FHIT: variants seen among roughly 807,000 people sequenced by gnomAD.
The protein encoded by FHIT is bis(5'-adenosyl)-triphosphatase.
FHIT carries 19 observed loss-of-function variants against 17.9 expected under a neutral mutation model. The ratio of observed to expected loss-of-function variants is 1.06; its 90% CI spans 0.74 to 1.56. FHIT has a LOEUF of 1.56. FHIT is among the 40% of genes most tolerant of loss of function. FHIT has a pLI of 0.00. For missense variants in FHIT, 248 were observed against 189.2 expected (o/e 1.31, Z -1.82); for synonymous variants, 81 against 69.7 (o/e 1.16, Z -0.81).
In FHIT at chr3:60,344,338, G is replaced by T. The variant is rs190791173; in HGVS notation, c.103+192522C>A. ...CAGACTGAGATGCGTCCAACAAAGA[G>T]AATATGAATAGCAATCTAGAAGAGT... On this transcript the variant is annotated intron_variant, in intron 5 of 9. Coordinates refer to ENST00000492590, the MANE Select transcript of FHIT (RefSeq NM_002012.4). Among the ~76,000 whole-genome samples, 3 of 152,294 alleles carry T rather than the reference G, an allele frequency of 2.0e-5. No homozygotes were observed. The East Asian group carries it at 5.8e-4, about 29-fold the overall frequency.
rs567908910 is a variant in FHIT, at chr3:59,747,615, A to G, written c.*1970T>C. 7.1e-4 allele frequency among the ~76,000 whole-genome samples: 108 copies of G among 152,264 alleles called. No homozygotes were observed. Among genetic ancestry groups the G allele is most frequent in the African/African-American group, 1.9e-3 (80 of 41,566 alleles). ...TTGGTCTTATAGTCTTTATTCTTATATAGGGCATCTCTGGATATAGGTGTT... is the reference window on the plus strand; with the variant it reads ...TTGGTCTTATAGTCTTTATTCTTATGTAGGGCATCTCTGGATATAGGTGTT... On this transcript the variant is annotated 3_prime_UTR_variant, in exon 10 of 10. Coordinates refer to ENST00000492590, the MANE Select transcript of FHIT (RefSeq NM_002012.4).
chr3:59,761,123 C>T (rs2106783399), intron 8 of FHIT, among the ~76,000 whole-genome samples: 1 of 152,312 alleles, frequency 6.6e-6, no homozygotes, highest in Non-Finnish European at 1.5e-5. Context: ...TTGGAACGAT[C>T]TTGCCCAACA....
intron 5 of FHIT, among the ~76,000 whole-genome samples, chr3:60,515,337 G>A (rs1408559106): frequency 6.6e-6 from 1 of 152,176 alleles, no homozygotes; most frequent in African/African-American, 2.4e-5. Context: ...GGTGGGAGGA[G>A]GAGGAAGGAA....
At chr3:60,552,950 AAG>A (rs1343297293) in intron 4 of FHIT, among the ~76,000 whole-genome samples, 1 of 152,164 alleles carries the variant, frequency 6.6e-6, no homozygotes, top group African/African-American at 2.4e-5. Flanking sequence ...ATGTGAGATT[AAG>A]AGGCATGTCT....
chr3:60,869,388 G>A (rs972441586), intron 3 of FHIT, among the ~76,000 whole-genome samples: 1 of 152,106 alleles, frequency 6.6e-6, no homozygotes. Flanking sequence ...TCCCCCCAGT[G>A]CCGGGAACCA....
chr3:60,495,759 G>T (rs1357126108), intron 5 of FHIT, among the ~76,000 whole-genome samples: 1 of 152,024 alleles, frequency 6.6e-6, no homozygotes, highest in East Asian at 1.9e-4. Flanking sequence ...TCAAGGTAAA[G>T]AACAGCCAAA....
chr3:60,014,432 G>A (rs184196090), intron 5 of FHIT, among the ~76,000 whole-genome samples: 43 of 152,312 alleles, frequency 2.8e-4, no homozygotes, highest in Admixed American at 2.2e-3. Context: ...TGTATGGTGA[G>A]ATAATTATGC....
intron 5 of FHIT, among the ~76,000 whole-genome samples, chr3:60,040,238 C>T (rs1185812725): frequency 1.3e-5 from 2 of 152,030 alleles, no homozygotes; most frequent in African/African-American, 2.4e-5. Flanking sequence ...CTCCGCCTCC[C>T]AGGCTCAAGC....
chr3:60,105,072 C>T (rs1483268352), intron 5 of FHIT, among the ~76,000 whole-genome samples: 1 of 152,210 alleles, frequency 6.6e-6, no homozygotes, highest in Non-Finnish European at 1.5e-5. Context: ...CACACTTGTA[C>T]TGTAGAGCAT....
At chr3:60,126,391 G>T (rs1000520520) in intron 5 of FHIT, among the ~76,000 whole-genome samples, 3 of 152,128 alleles carry the variant, frequency 2.0e-5, no homozygotes, top group Admixed American at 6.6e-5. Flanking sequence ...CCAGTTGGAA[G>T]TCTGATATAA....
intron 4 of FHIT, among the ~76,000 whole-genome samples, chr3:60,660,554 T>C (rs2040216276): frequency 6.6e-6 from 1 of 152,016 alleles, no homozygotes; most frequent in Non-Finnish European, 1.5e-5. Context: ...CATGCAGTTG[T>C]TCTCTAGGTG....
At chr3:60,891,134 C>G (rs376023997) in intron 3 of FHIT, among the ~76,000 whole-genome samples, 4 of 152,144 alleles carry the variant, frequency 2.6e-5, no homozygotes, top group African/African-American at 9.7e-5. Flanking sequence ...CCTAGAAAGG[C>G]CAGGGCAGTT....
chr3:60,345,374 T>C (rs528604086), intron 5 of FHIT, among the ~76,000 whole-genome samples: 22 of 152,188 alleles, frequency 1.4e-4, no homozygotes, highest in Admixed American at 3.3e-4. Flanking sequence ...AGGAATCTCA[T>C]AGCCAGGAAT....
At chr3:60,618,488 G>C (rs1365827876) in intron 4 of FHIT, among the ~76,000 whole-genome samples, 2 of 152,064 alleles carry the variant, frequency 1.3e-5, no homozygotes, top group African/African-American at 2.4e-5. Flanking sequence ...ATGTGTTGAC[G>C]TGTGCTCATT....
At chr3:60,246,982 G>T (rs1197724402) in intron 5 of FHIT, among the ~76,000 whole-genome samples, 4 of 152,194 alleles carry the variant, frequency 2.6e-5, no homozygotes, top group East Asian at 1.9e-4. Flanking sequence ...ATACTCTAAT[G>T]GTAGATTACA....
At chr3:60,108,165 G>A (rs1204161838) in intron 5 of FHIT, among the ~76,000 whole-genome samples, 2 of 152,182 alleles carry the variant, frequency 1.3e-5, no homozygotes, top group Non-Finnish European at 2.9e-5. Flanking sequence ...TAAGTTAAAA[G>A]CTAATTCAAT....
At chr3:60,671,432 T>C (rs1440697505) in intron 4 of FHIT, among the ~76,000 whole-genome samples, 2 of 151,810 alleles carry the variant, frequency 1.3e-5, no homozygotes, top group Non-Finnish European at 2.9e-5. Context: ...AATTGACAAA[T>C]AGAAAGAAGG....
intron 5 of FHIT, among the ~76,000 whole-genome samples, chr3:60,364,576 A>G (rs1445043527): frequency 1.3e-5 from 2 of 152,218 alleles, no homozygotes; most frequent in East Asian, 3.8e-4. Flanking sequence ...CAGGAAATTA[A>G]TGTCACAGGC....
At chr3:60,564,445 T>C (rs569172441) in intron 4 of FHIT, among the ~76,000 whole-genome samples, 1 of 152,258 alleles carries the variant, frequency 6.6e-6, no homozygotes, top group East Asian at 1.9e-4. Flanking sequence ...TAAATACATT[T>C]TGTAAGGCTA....
Sources: gnomAD v4.1 joint callset for allele counts (sites outside exome capture counted in the v4.1 genomes callset) on GRCh38, gnomAD v4.1.1 for gene constraint, MANE v1.5 for transcripts, NCBI Gene and HGNC (gene_info 2026-07-23, HGNC 2026-07-21) for gene names.